The following PHF12 variants were observed in gnomAD, a reference collection of about 807,000 sequenced individuals.
PHF12 encodes the protein PHD finger protein 12.
Under a neutral mutation model 99.8 loss-of-function variants are expected in PHF12, and 6 were observed. The ratio of observed to expected loss-of-function variants is 0.06; its 90% CI spans 0.03 to 0.12. The LOEUF (loss-of-function observed/expected upper bound fraction) is 0.12. Among genes scored for constraint, PHF12 ranks in the 10% least tolerant of loss-of-function variants. PHF12 has a pLI of 1.00. For synonymous variants in PHF12, 480 were observed against 514.9 expected (o/e 0.93, Z 0.92); for missense variants, 954 against 1,300.1 (o/e 0.73, Z 4.09).
intron 2 of PHF12, among the ~76,000 whole-genome samples, chr17:28,930,799 A>G (rs2040385440): frequency 6.6e-6 from 1 of 152,228 alleles, no homozygotes; most frequent in African/African-American, 2.4e-5. Flanking sequence ...GGCCGGGTGC[A>G]GTAGCTCATG....
intron 4 of PHF12, 35 bp downstream of exon 4, chr17:28,923,874 G>T (rs2040215883): frequency 3.2e-6 from 5 of 1,570,158 alleles, no homozygotes; most frequent in Non-Finnish European, 4.3e-6. Context: ...GGGGAAACTG[G>T]GGTTGGGAAG....
At chr17:28,923,757 C>A (rs1234932263) in intron 4 of PHF12, 152 bp downstream of exon 4, 15 of 932,926 alleles carry the variant, frequency 1.6e-5, no homozygotes, top group Non-Finnish European at 1.7e-5. Context: ...TCTGTAATGG[C>A]TAAGACCTTC....
chr17:28,924,599 T>A, intron 3 of PHF12: 1 of 439,988 alleles, frequency 2.3e-6, no homozygotes, highest in South Asian at 2.1e-5. Context: ...ATCTATAAAG[T>A]ATAGGGTAAA....
chr17:28,911,260 G>A, intron 9 of PHF12, 23 bp from the exon 10 acceptor site: 1 of 1,613,564 alleles, frequency 6.2e-7, no homozygotes, highest in Non-Finnish European at 8.5e-7. Flanking sequence ...CAGGAAGACT[G>A]TTACTTACGT....
chr17:28,921,040 A>C (rs1241506199), intron 5 of PHF12, among the ~76,000 whole-genome samples: 5 of 149,510 alleles, frequency 3.3e-5, no homozygotes, highest in Non-Finnish European at 7.4e-5. Context: ...TGCCCGGCTA[A>C]TTTTTTTTTG....
intron 3 of PHF12, 74 bp from the exon 4 acceptor site, chr17:28,924,376 T>G (rs748931294): frequency 1.3e-5 from 21 of 1,603,110 alleles, no homozygotes; most frequent in Non-Finnish European, 1.8e-5. Flanking sequence ...AAAGTCCTGG[T>G]AGACCACTAA....
At chr17:28,924,573 T>C (rs1385964633) in intron 3 of PHF12, 3 of 510,560 alleles carry the variant, frequency 5.9e-6, no homozygotes, top group Non-Finnish European at 1.1e-5. Flanking sequence ...CATTAACTCA[T>C]TGTATGACAT....
chr17:28,912,082 G>GGTGGTCGCCGT, intron 9 of PHF12: 1 of 1,016,188 alleles, frequency 9.8e-7, no homozygotes, highest in South Asian at 4.6e-5. Context: ...GTGTGGATCT[G>GGTGGTCGCCGT]ACAATACTGA....
chr17:28,908,735 T>C (rs367835114), intron 12 of PHF12, 48 bp downstream of exon 12: 10 of 1,582,948 alleles, frequency 6.3e-6, no homozygotes, highest in Admixed American at 1.7e-5. Context: ...TGTCAGTCTT[T>C]AGGGCTGAAC....
At chr17:28,919,026 C>G in intron 6 of PHF12, 117 bp downstream of exon 6, 2 of 1,316,480 alleles carry the variant, frequency 1.5e-6, no homozygotes, top group Non-Finnish European at 2.0e-6. Context: ...CTGCAGAAAC[C>G]AGTACCTATG....
intron 2 of PHF12, among the ~76,000 whole-genome samples, chr17:28,948,473 A>G (rs2040753993): frequency 1.3e-5 from 2 of 152,264 alleles, no homozygotes; most frequent in African/African-American, 2.4e-5. Context: ...AAAATTTTAA[A>G]GCCAGCAGCA....
At chr17:28,934,041 C>T (rs533747979) in intron 2 of PHF12, among the ~76,000 whole-genome samples, 110 of 151,944 alleles carry the variant, frequency 7.2e-4, no homozygotes, top group African/African-American at 2.3e-3. Flanking sequence ...AGCAAGACCC[C>T]GCCTCAAAAA....
Position 28,906,629 on chromosome 17 carries a change from G to A in PHF12, c.2681-112C>T. ...CCCCATTCCAACTGCTGCATGACTA[G>A]GGAGGAAGGATGCTCAGAAAGGGTT... On this transcript the variant is annotated intron_variant, in intron 14 of 14. Transcript: ENST00000332830. This position sits in a 1 kb window ranked among gnomAD's most constrained non-coding sequence, Gnocchi z 4.2. 1 of 1,302,176 alleles carries A rather than the reference G, an allele frequency of 7.7e-7. No individual in the cohort carries two copies. The allele number at this position is 1,302,176 out of a possible 1,614,324, so 80.7% of individuals were successfully genotyped here.
rs1477407848 is a variant in PHF12 at position 28,923,651 on chromosome 17, CACAA to C, written c.715+254_715+257del. ...CTAGCCTGAGTGACAAAGTGAGACT[CACAA>C]AAAAAAAAAAAAAAAAAAAAGGAAA... On this transcript the variant is annotated intron_variant, in intron 4 of 14. Transcript: ENST00000332830. Among the ~76,000 whole-genome samples, 15 of 21,956 alleles carry C rather than the reference CACAA, an allele frequency of 6.8e-4. 1 individual carries two copies. Among genetic ancestry groups the C allele is most frequent in the African/African-American group, 1.2e-3 (5 of 4,346 alleles). 14.4% of individuals were successfully genotyped at this position (21,956 alleles called of 152,430 possible).
At chr17:28,914,110 T>C in intron 7 of PHF12, 73 bp from the exon 8 acceptor site, 1 of 1,474,918 alleles carries the variant, frequency 6.8e-7, no homozygotes, top group Non-Finnish European at 9.3e-7. Context: ...TGCCCTGGTA[T>C]GCTGTTCTGT....
At chr17:28,912,389 A>C in intron 9 of PHF12, 93 bp downstream of exon 9, 1 of 1,476,598 alleles carries the variant, frequency 6.8e-7, no homozygotes, top group Non-Finnish European at 9.0e-7. Flanking sequence ...AGTCCTCTGA[A>C]GTATTCACAG....
intron 12 of PHF12, chr17:28,908,004 A>T: frequency 4.7e-6 from 1 of 214,578 alleles, no homozygotes; most frequent in Non-Finnish European, 9.6e-6. Context: ...TTATCACCTT[A>T]AAGAAAGGGA....
At position 28,911,202 on chromosome 17, in the gene PHF12, T is replaced by C. The variant is rs566685598; in HGVS notation, c.2125A>G (p.Ser709Gly). 1 of 1,614,144 alleles carries C rather than the reference T, an allele frequency of 6.2e-7. No homozygotes were observed. The highest frequency in any genetic ancestry group is 1.3e-5 in the African/African-American group (1 of 75,040). ...KVSPGTLSIG[S>G]ALTVPSFPAN... is the part of the protein sequence containing the mutation. Reference sequence around the variant, plus strand: ...GGGAAAGAGGGTACGGTTAAAGCGCTTCCTATGGATAACGTGCCGGGGCTG... The same window carrying C: ...GGGAAAGAGGGTACGGTTAAAGCGCCTCCTATGGATAACGTGCCGGGGCTG... The change falls in exon 10 of 15, where the codon AGC becomes GGC. Residue 709 changes from serine to glycine, a missense_variant. By Grantham distance (56) the Ser-to-Gly change is moderately conservative (BLOSUM62 0). Around this residue, in one of 8 missense-constraint regions of PHF12, gnomAD observed 143 missense variants for 191.8 expected, o/e 0.75. Coordinates refer to ENST00000332830, the MANE Select transcript of PHF12 (RefSeq NM_001033561.2).
chr17:28,928,034 T>C (rs1457470523), intron 2 of PHF12, among the ~76,000 whole-genome samples: 2 of 152,098 alleles, frequency 1.3e-5, no homozygotes, highest in Non-Finnish European at 2.9e-5. Context: ...TTGCTTGAAT[T>C]TGGGAGGTGG....
Sources: allele counts gnomAD v4.1 joint callset (sites outside exome capture counted in the v4.1 genomes callset), GRCh38; gene constraint gnomAD v4.1.1; regional missense constraint gnomAD v4.1.1; non-coding constraint Gnocchi (gnomAD v3.1); transcripts MANE v1.5; gene names NCBI Gene and HGNC (gene_info 2026-07-23, HGNC 2026-07-21).